The following MYLK variants were observed in gnomAD, a reference collection of about 807,000 sequenced individuals.
MYLK encodes the protein myosin light chain kinase, smooth muscle.
MYLK carries 106 observed loss-of-function variants against 203.4 expected under a neutral mutation model. The observed-to-expected ratio is 0.52, with a 90% CI of 0.45 to 0.61. The LOEUF (loss-of-function observed/expected upper bound fraction) is 0.61, where lower values mean the gene tolerates loss of function less well. Among genes scored for constraint, MYLK ranks in the 20% least tolerant of loss-of-function variants. The probability of loss-of-function intolerance (pLI) is 0.00; values close to 1 mark genes in which losing one functional copy is unlikely to be tolerated. For missense variants in MYLK, 2,072 were observed against 2,442.3 expected (o/e 0.85, Z 3.20); for synonymous variants, 867 against 959.5 (o/e 0.90, Z 1.78).
At chr3:123,801,415 T>C (rs968767589) in intron 3 of MYLK, among the ~76,000 whole-genome samples, 1 of 152,212 alleles carries the variant, frequency 6.6e-6, no homozygotes, top group Non-Finnish European at 1.5e-5. Flanking sequence ...TTTACTTTAT[T>C]TTCCCTTTAA....
intron 14 of MYLK, chr3:123,709,112 A>G: frequency 2.6e-6 from 1 of 387,874 alleles, no homozygotes. Context: ...ACATCTTCTG[A>G]GATTTGGGAA....
intron 12 of MYLK, among the ~76,000 whole-genome samples, chr3:123,723,021 A>G (rs1225373351): frequency 6.6e-6 from 1 of 151,970 alleles, no homozygotes; most frequent in African/African-American, 2.4e-5. Context: ...TTAATGCTCT[A>G]TGTTCCTGGG....
At chr3:123,699,237 C>T (rs2061067500) in intron 18 of MYLK, among the ~76,000 whole-genome samples, 1 of 151,838 alleles carries the variant, frequency 6.6e-6, no homozygotes, top group Non-Finnish European at 1.5e-5. Flanking sequence ...AGAGAAAATA[C>T]TCCTGTGTCA....
At chr3:123,727,291 G>A (rs887254829) in intron 11 of MYLK, among the ~76,000 whole-genome samples, 21 of 152,154 alleles carry the variant, frequency 1.4e-4, no homozygotes, top group African/African-American at 5.1e-4. Flanking sequence ...CCACCCAGAA[G>A]GTGTGGGGAG....
rs2062573392 is a variant in MYLK at position 123,733,760 on chromosome 3, T to C, written c.1236A>G (p.Ala412=). ...RIPMEGQRDS[A]FPKFESKPQS... is the part of the protein sequence containing the mutation. ...GGGGCTTGCTCTCAAATTTGGGGAA[T>C]GCTGAATCCCTCTGGCCCTCCATGG... The change falls in exon 10 of 34, where the codon GCA becomes GCG. Residue 412 remains alanine, a synonymous_variant. Coordinates refer to ENST00000360304, the MANE Select transcript of MYLK (RefSeq NM_053025.4). 2 of 1,614,240 alleles carry C rather than the reference T, an allele frequency of 1.2e-6. No individual in the cohort carries two copies. Among genetic ancestry groups the C allele is most frequent in the South Asian group, 1.1e-5 (1 of 91,084 alleles).
chr3:123,750,460 G>A (rs1309978061), intron 5 of MYLK, among the ~76,000 whole-genome samples: 1 of 152,054 alleles, frequency 6.6e-6, no homozygotes, highest in East Asian at 1.9e-4. Flanking sequence ...AGTAGGGATT[G>A]AAGAAAACGT....
intron 2 of MYLK, among the ~76,000 whole-genome samples, chr3:123,834,202 T>C (rs953893594): frequency 6.6e-6 from 1 of 152,066 alleles, no homozygotes; most frequent in Non-Finnish European, 1.5e-5. Flanking sequence ...CACGCCACCA[T>C]GTCCTGCTAA....
At chr3:123,820,497 T>C (rs774050163) in intron 3 of MYLK, among the ~76,000 whole-genome samples, 2 of 152,232 alleles carry the variant, frequency 1.3e-5, no homozygotes, top group Non-Finnish European at 2.9e-5. Context: ...TCTTCACTCC[T>C]GCCTCCTACC....
At chr3:123,840,582 T>A (rs995705630) in intron 2 of MYLK, among the ~76,000 whole-genome samples, 2 of 151,492 alleles carry the variant, frequency 1.3e-5, no homozygotes, top group African/African-American at 4.8e-5. Context: ...TTACTTGATA[T>A]GAAAATAAGA....
intron 2 of MYLK, among the ~76,000 whole-genome samples, chr3:123,842,447 C>T (rs1253581507): frequency 6.6e-6 from 1 of 152,116 alleles, no homozygotes; most frequent in Non-Finnish European, 1.5e-5. Context: ...TGTGTGAAAA[C>T]TCCCAAATTT....
chr3:123,697,038 A>C (rs1400723010), intron 18 of MYLK, among the ~76,000 whole-genome samples: 1 of 152,184 alleles, frequency 6.6e-6, no homozygotes, highest in East Asian at 1.9e-4. Flanking sequence ...TCCCACTTCC[A>C]GCAGCTCCTC....
chr3:123,756,029 C>T (rs1407955839), intron 4 of MYLK, among the ~76,000 whole-genome samples: 2 of 152,144 alleles, frequency 1.3e-5, no homozygotes, highest in Admixed American at 6.5e-5. Flanking sequence ...CAAAGCCAGT[C>T]GTTTTACTGG....
At chr3:123,803,620 C>A (rs910966159) in intron 3 of MYLK, among the ~76,000 whole-genome samples, 1 of 152,228 alleles carries the variant, frequency 6.6e-6, no homozygotes, top group African/African-American at 2.4e-5. Context: ...AAGGTTCCAG[C>A]AGGGGGATCC....
At chr3:123,614,410 C>A in intron 33 of MYLK, 61 bp from the exon 34 acceptor site, 1 of 1,606,424 alleles carries the variant, frequency 6.2e-7, no homozygotes, top group African/African-American at 1.3e-5. Flanking sequence ...CTTATCAACT[C>A]ATGCAAGCAA....
rs920132481 is a variant in MYLK at position 123,616,145 on chromosome 3, T to C, written c.5501-1796A>G. Among the ~76,000 whole-genome samples, 6 of 152,240 alleles carry C rather than the reference T, an allele frequency of 3.9e-5. No individual in the cohort carries two copies. The South Asian group carries it at 1.0e-3, about 26-fold the overall frequency. On this transcript the variant is annotated intron_variant, in intron 33 of 33. Coordinates refer to ENST00000360304, the MANE Select transcript of MYLK (RefSeq NM_053025.4). ...TTATAGTATATAAATTATAACTGAA[T>C]AAAGCTAATAACAGCTATATAAAAC...
intron 21 of MYLK, 115 bp downstream of exon 21, chr3:123,667,022 G>A (rs568631120): frequency 2.6e-5 from 22 of 861,412 alleles, no homozygotes; most frequent in South Asian, 2.5e-4. Flanking sequence ...TGGGGGTGGG[G>A]TTGCAGTGGG....
At chr3:123,730,196 C>G (rs1331295683) in intron 11 of MYLK, among the ~76,000 whole-genome samples, 1 of 152,198 alleles carries the variant, frequency 6.6e-6, no homozygotes, top group Non-Finnish European at 1.5e-5. Flanking sequence ...CCACTGCACT[C>G]TAGCCCCATT....
intron 2 of MYLK, among the ~76,000 whole-genome samples, chr3:123,842,726 C>T (rs772379086): frequency 1.4e-4 from 21 of 152,198 alleles, no homozygotes; most frequent in Non-Finnish European, 2.2e-4. Context: ...TGACATTGTT[C>T]ATAGACATTG....
chr3:123,787,489 G>A (rs2064581157), intron 4 of MYLK, among the ~76,000 whole-genome samples: 1 of 152,086 alleles, frequency 6.6e-6, no homozygotes, highest in Non-Finnish European at 1.5e-5. Flanking sequence ...TCTCCTCAGG[G>A]GCACCAAACA....
Sources: gnomAD v4.1 joint callset for allele counts (sites outside exome capture counted in the v4.1 genomes callset) on GRCh38, gnomAD v4.1.1 for gene constraint, MANE v1.5 for transcripts, NCBI Gene and HGNC (gene_info 2026-07-23, HGNC 2026-07-21) for gene names.